Variants in ZNF567 observed in about 807,000 individuals in gnomAD.
The protein encoded by ZNF567 is zinc finger protein 567.
ZNF567 carries 36 observed loss-of-function variants against 53.9 expected under a neutral mutation model. The observed-to-expected ratio is 0.67, with a 90% confidence interval of 0.51 to 0.88. The LOEUF (loss-of-function observed/expected upper bound fraction) is 0.88. Among genes scored for constraint, ZNF567 ranks in the 40% least tolerant of loss-of-function variants. The pLI is 0.00. For missense variants in ZNF567, 619 were observed against 764.7 expected (o/e 0.81, Z 2.25); for synonymous variants, 224 against 260.4 (o/e 0.86, Z 1.35).
chr19:36,726,410 A>T (rs1193260175), downstream of ZNF567, among the ~76,000 whole-genome samples: 1 of 152,158 alleles, frequency 6.6e-6, no homozygotes, highest in Non-Finnish European at 1.5e-5. Context: ...CCACCCTGGC[A>T]TGGGGAGGGC....
rs552080734 is a variant in ZNF567 at position 36,714,465 on chromosome 19, T to C, written c.223+1598T>C. ...GCTTGAGCCACTGCACCTGGCACCA[T>C]TGTAATAGATTTCTTTCAGGCTTTC... On this transcript the variant is annotated intron_variant, in intron 5 of 5. Coordinates refer to ENST00000682579, the MANE Select transcript of ZNF567 (RefSeq NM_001322917.1). The C allele has an allele frequency of 1.1e-3, 433 of 398,434 alleles. 1 individual carries two copies. Among genetic ancestry groups the C allele is most frequent in the African/African-American group, 8.1e-3 (397 of 48,724 alleles). 24.7% of individuals were successfully genotyped at this position (398,434 alleles called of 1,614,324 possible).
downstream of ZNF567, among the ~76,000 whole-genome samples, chr19:36,722,193 G>A (rs2040310863): frequency 6.6e-6 from 1 of 152,198 alleles, no homozygotes; most frequent in African/African-American, 2.4e-5. Context: ...AGTAAGCTCA[G>A]TGGCAACTTG....
chr19:36,713,861 G>T (rs2039911875), intron 5 of ZNF567, among the ~76,000 whole-genome samples: 1 of 151,408 alleles, frequency 6.6e-6, no homozygotes, highest in Non-Finnish European at 1.5e-5. Context: ...CTTAAACCCG[G>T]TAGGCGGAGG....
At chr19:36,727,089 T>TATTTATTTTTA, downstream of ZNF567, 1 of 150,464 alleles carries the variant, frequency 6.6e-6, no homozygotes, top group East Asian at 1.9e-4. Context: ...ATTTATTTTT[T>TATTTATTTTTA]GAGATGGAGT....
intron 3 of ZNF567, chr19:36,711,412 A>G (rs3108214): frequency 0.67 from 102,220 of 152,054 alleles, 34,694 homozygotes; most frequent in East Asian, 0.82. Context: ...TTCAGGTACC[A>G]TGATGCAAAA....
upstream of ZNF567, chr19:36,686,400 G>A (rs1230373752): frequency 6.6e-6 from 1 of 152,112 alleles, no homozygotes; most frequent in East Asian, 1.9e-4. Context: ...CACCACACGA[G>A]CTCTCATCAT....
At position 36,720,601 on chromosome 19, in the gene ZNF567, T is replaced by C; in HGVS notation, c.1877T>C (p.Phe626Ser). The change falls in exon 6 of 6, where the codon TTC becomes TCC. Residue 626 changes from phenylalanine to serine, a missense_variant. By Grantham distance (155) the Phe-to-Ser change is radical (BLOSUM62 -2). Coordinates refer to ENST00000682579, the MANE Select transcript of ZNF567 (RefSeq NM_001322917.1). ...GTTTGTAATGAGTGTGGTAAGTCTT[T>C]CAGTTATAAGAGAAACCTCATTGTC... ...PYVCNECGKSFSYKRNLIVHQ... is the reference protein window; with the variant it reads ...PYVCNECGKSSSYKRNLIVHQ... 2 of 1,603,990 alleles carry C rather than the reference T, an allele frequency of 1.2e-6. No homozygotes were observed. Among genetic ancestry groups the C allele is most frequent in the Non-Finnish European group, 1.7e-6 (2 of 1,175,630 alleles).
chr19:36,678,582 C>T, the ZNF567 span, among the ~76,000 whole-genome samples: 1 of 152,216 alleles, frequency 6.6e-6, no homozygotes, highest in Non-Finnish European at 1.5e-5. Flanking sequence ...CGGTGGCTCA[C>T]GCCTGTAATC....
At chr19:36,672,761 A>G in the ZNF567 span, among the ~76,000 whole-genome samples, 3 of 152,190 alleles carry the variant, frequency 2.0e-5, no homozygotes, top group African/African-American at 7.2e-5. Context: ...TGCCTTCCTG[A>G]CACAAAATGC....
chr19:36,689,650 G>A (rs1440191018), intron 2 of ZNF567, among the ~76,000 whole-genome samples, 153 bp downstream of exon 2: 2 of 152,102 alleles, frequency 1.3e-5, no homozygotes, highest in Non-Finnish European at 2.9e-5. Flanking sequence ...GGTTTGTCCA[G>A]TCATTCCTCT....
the ZNF567 span, chr19:36,668,304 T>G: frequency 6.6e-6 from 1 of 152,390 alleles, no homozygotes; most frequent in Non-Finnish European, 1.5e-5. Context: ...GTGGGGCTCA[T>G]GCGGCGAGCG....
At chr19:36,694,154 C>G (rs1225790943) in intron 2 of ZNF567, among the ~76,000 whole-genome samples, 3 of 152,240 alleles carry the variant, frequency 2.0e-5, no homozygotes, top group African/African-American at 4.8e-5. Flanking sequence ...CCACTGTACT[C>G]CAGCCTGGAT....
chr19:36,715,478 A>AAATAATAATAAT (rs200738092), intron 5 of ZNF567, among the ~76,000 whole-genome samples: 20 of 120,440 alleles, frequency 1.7e-4, no homozygotes, highest in African/African-American at 2.9e-4. Context: ...ATTTAACTCA[A>AAATAATAATAAT]AATAATAATA....
chr19:36,683,152 G>T (rs1273867283), upstream of ZNF567, among the ~76,000 whole-genome samples: 1 of 151,552 alleles, frequency 6.6e-6, no homozygotes, highest in Non-Finnish European at 1.5e-5. Flanking sequence ...GCTCACTACA[G>T]CCTCAATATC....
At chr19:36,675,413 G>A in the ZNF567 span, among the ~76,000 whole-genome samples, 1 of 152,028 alleles carries the variant, frequency 6.6e-6, no homozygotes, top group East Asian at 1.9e-4. Flanking sequence ...AGTGGCTCAC[G>A]CTTGTAATCC....
At chr19:36,690,539 C>T (rs1050915087) in intron 2 of ZNF567, among the ~76,000 whole-genome samples, 11 of 152,038 alleles carry the variant, frequency 7.2e-5, no homozygotes, top group African/African-American at 2.4e-4. Flanking sequence ...TGCAGTGAGC[C>T]GTGATCACAC....
chr19:36,697,994 T>C (rs2038976655), intron 3 of ZNF567, among the ~76,000 whole-genome samples: 2 of 151,244 alleles, frequency 1.3e-5, no homozygotes, highest in South Asian at 4.2e-4. Flanking sequence ...TACATATGTA[T>C]ACATGTGCCA....
intron 1 of ZNF567, among the ~76,000 whole-genome samples, 192 bp from the exon 2 acceptor site, chr19:36,689,205 A>G (rs563382289): frequency 4.7e-5 from 7 of 150,262 alleles, no homozygotes; most frequent in African/African-American, 9.8e-5. Context: ...ACTTTATCTC[A>G]TAACTGCCAC....
At chr19:36,678,850 CA>C in the ZNF567 span, among the ~76,000 whole-genome samples, 93,318 of 137,456 alleles carry the variant, frequency 0.68, 30,320 homozygotes, top group East Asian at 0.81. Context: ...GACTCTGTCT[CA>C]AAAAAAAAAA....
Sources: gnomAD v4.1 joint callset for allele counts (sites outside exome capture counted in the v4.1 genomes callset) on GRCh38, gnomAD v4.1.1 for gene constraint, MANE v1.5 for transcripts, NCBI Gene and HGNC (gene_info 2026-07-23, HGNC 2026-07-21) for gene names.